The following DNHD1 variants were observed in gnomAD, a reference collection of about 807,000 sequenced individuals.
DNHD1 encodes the protein dynein heavy chain domain-containing protein 1.
DNHD1 carries 383 observed loss-of-function variants against 458.1 expected under a neutral mutation model. The observed-to-expected ratio is 0.84, with a 90% CI of 0.77 to 0.91. The LOEUF is 0.91. Among genes scored for constraint, DNHD1 ranks in the 40% least tolerant of loss-of-function variants. The probability of loss-of-function intolerance (pLI) is 0.00; values close to 1 mark genes in which losing one functional copy is unlikely to be tolerated. For synonymous variants in DNHD1, 2,203 were observed against 2,376.9 expected (o/e 0.93, Z 2.13); for missense variants, 5,336 against 5,866.1 (o/e 0.91, Z 2.95).
intron 10 of DNHD1, among the ~76,000 whole-genome samples, chr11:6,525,177 CAA>C (rs1458271691): frequency 1.1e-4 from 16 of 152,264 alleles, no homozygotes; most frequent in African/African-American, 3.6e-4. Context: ...GCAAGGTTAA[CAA>C]GAGAGCTCTG....
At chr11:6,551,747 C>T (rs1041662497) in intron 24 of DNHD1, among the ~76,000 whole-genome samples, 2 of 152,150 alleles carry the variant, frequency 1.3e-5, no homozygotes, top group Non-Finnish European at 2.9e-5. Flanking sequence ...TGGAGACCAT[C>T]CTGGCCAACA....
chr11:6,504,507 T>C (rs1852192322), intron 4 of DNHD1, among the ~76,000 whole-genome samples: 1 of 152,258 alleles, frequency 6.6e-6, no homozygotes, highest in African/African-American at 2.4e-5. Flanking sequence ...TGGAGTGTAA[T>C]GGCATGATCT....
At position 6,520,078 on chromosome 11, in the gene DNHD1, G is replaced by A. The variant is rs749467852; in HGVS notation, c.1761G>A (p.Gln587=). The A allele has an allele frequency of 5.0e-6, 8 of 1,614,092 alleles. No homozygotes were observed. In the East Asian group the frequency reaches 1.1e-4, roughly 22 times the overall value. Residue 587 remains glutamine (Q), a synonymous_variant, in exon 9 of 43, where the codon CAG becomes CAA. Coordinates refer to ENST00000254579, the MANE Select transcript of DNHD1 (RefSeq NM_144666.3). ...TCCAGACTCTAACTGGAGGCCTACA[G>A]TCTGTCAAGACCTCTGCCTTGCAGG... ...NMIQTLTGGL[Q]SVKTSALQVV... is the part of the protein sequence containing the mutation.
In DNHD1 at chr11:6,546,445, G is replaced by C; in HGVS notation, c.5506G>C (p.Ala1836Pro). ...GGCATTGCCTGATCTGCGGCAAGTG[G>C]CAGAGCTGACTCTGCTGGGTGCAGG... ...ALALPDLRQV[A>P]ELTLLGAGMR... Residue 1836 changes from alanine to proline, a missense_variant, in exon 21 of 43, where the codon GCA (alanine) becomes CCA (proline). Transcript: ENST00000254579. The C allele has an allele frequency of 1.9e-6, 3 of 1,551,276 alleles. No homozygotes were observed. The highest frequency in any genetic ancestry group is 1.2e-5 in the South Asian group (1 of 84,062).
rs773745280 is a variant in DNHD1 at position 6,509,164 on chromosome 11, GGAA to G, written c.1134_1136del (p.Lys378del). On this transcript the variant is annotated inframe_deletion, in exon 6 of 43. Transcript: ENST00000254579. ...TATCACTGACCTCTAATTTCTAGTT[GGAA>G]GAAGAATGTGAGATTACAGGGGCTG... is the stretch of plus-strand genomic sequence containing the variant. 24 of 1,614,158 alleles carry G rather than the reference GGAA, an allele frequency of 1.5e-5. No homozygotes were observed. Among genetic ancestry groups the G allele is most frequent in the Non-Finnish European group, 2.0e-5 (24 of 1,180,014 alleles).
At chr11:6,500,854 ATATAGT>A (rs1227727899) in intron 3 of DNHD1, among the ~76,000 whole-genome samples, 33 of 152,326 alleles carry the variant, frequency 2.2e-4, no homozygotes, top group East Asian at 7.7e-4. Flanking sequence ...AGTTAGGGAG[ATATAGT>A]TAAGTTGATA....
rs1443589448 is a variant in DNHD1 at position 6,557,355 on chromosome 11, A to G, written c.8060A>G (p.Gln2687Arg). The change falls in exon 25 of 43, where the codon CAG becomes CGG. Residue 2687 changes from glutamine (Q) to arginine (R), a missense_variant. Coordinates refer to ENST00000254579, the MANE Select transcript of DNHD1 (RefSeq NM_144666.3). ...GTCTTCTGCTGTGGGCCAGGGCCCC[A>G]GCACCTGGGCAAGGACCATCAGGAG... ...QSVFCCGPGPQHLGKDHQESE... is the reference protein window; with the variant it reads ...QSVFCCGPGPRHLGKDHQESE... 1.9e-6 allele frequency: 3 copies of G among 1,551,490 alleles called. No individual in the cohort carries two copies. The highest frequency in any genetic ancestry group is 1.7e-6 in the Non-Finnish European group (2 of 1,147,048).
Position 6,567,509 on chromosome 11 carries a change from T to C in DNHD1, c.12000T>C (p.Val4000=). 6.2e-7 allele frequency: 1 copy of C among 1,613,710 alleles called. No homozygotes were observed. The highest frequency in any genetic ancestry group is 8.5e-7 in the Non-Finnish European group (1 of 1,179,762). ...TGTTAGAGCTGCTGCCCCCATTTGT[T>C]GGCCTGTGTGCCTCCCTGGCAGGCC... is the stretch of plus-strand genomic sequence containing the variant. ...CEMLELLPPF[V]GLCASLAGHS... The change falls in exon 36 of 43, where the codon GTT becomes GTC. Residue 4000 remains valine (V), a synonymous_variant. Transcript: ENST00000254579.
rs1443644803 is a variant in DNHD1, at chr11:6,548,854, C to T, written c.7308C>T (p.Ala2436=). The change falls in exon 24 of 43, where the codon GCC becomes GCT. Residue 2436 remains alanine (A), a synonymous_variant. Transcript: ENST00000254579. The surrounding 1 kb of genome is among the most constrained non-coding windows in gnomAD (Gnocchi z 4.4). ...GAGGAATCCAGGGCCAAACACAAGC[C>T]AGCCCACAGCCTGGGCATCACCAGG... The part of the protein sequence containing the change: ...LSRGIQGQTQ[A]SPQPGHHQDS... The T allele has an allele frequency of 1.4e-4, 217 of 1,551,608 alleles. No homozygotes were observed. The highest frequency in any genetic ancestry group is 1.8e-4 in the Non-Finnish European group (208 of 1,147,002).
In DNHD1 at chr11:6,540,182, G is replaced by C. The variant is rs987956119; in HGVS notation, c.3628+99G>C. 5 of 1,088,586 alleles carry C rather than the reference G, an allele frequency of 4.6e-6. No homozygotes were observed. The African/African-American group carries it at 6.3e-5, about 14-fold the overall frequency. The allele number at this position is 1,088,586 out of a possible 1,614,324, so 67.4% of individuals were successfully genotyped here. A position where few individuals can be genotyped will look rare whatever the true frequency, so the allele number is the denominator to read the frequency against. ...CCTGCCAGATCTGATTCTCTAGCCA[G>C]GGCCCCATCCTTACTAGACAGCCTA... On this transcript the variant is annotated intron_variant, in intron 18 of 42. Coordinates refer to ENST00000254579, the MANE Select transcript of DNHD1 (RefSeq NM_144666.3).
chr11:6,539,482 T>A (rs769093009), intron 17 of DNHD1, among the ~76,000 whole-genome samples, 169 bp downstream of exon 17: 17 of 152,168 alleles, frequency 1.1e-4, no homozygotes, highest in African/African-American at 1.9e-4. Context: ...GGATCTCTTG[T>A]GTGATTCCAG....
In DNHD1 at chr11:6,498,772, G is replaced by C; in HGVS notation, c.557G>C (p.Arg186Pro). The C allele has an allele frequency of 6.2e-7, 1 of 1,614,188 alleles. No homozygotes were observed. The highest frequency in any genetic ancestry group is 8.5e-7 in the Non-Finnish European group (1 of 1,180,020). The change falls in exon 3 of 43, where the codon CGA becomes CCA. Residue 186 changes from arginine (R) to proline (P), a missense_variant. Transcript: ENST00000254579. ...QVKEELATWL[R>P]PLTLPELQRC... ...AAGGAGGAGCTGGCCACCTGGCTGC[G>C]ACCATTGACACTGCCTGAGCTACAG...
At position 6,570,739 on chromosome 11, in the gene DNHD1, G is replaced by A. The variant is rs1398613894; in HGVS notation, c.13227G>A (p.Gln4409=). ...CCCAAGCCTGGCTGTTGCGACGCCAGAGTCGCGCTCTCTTGAGTGCGCTGC... is the reference window on the plus strand; with the variant it reads ...CCCAAGCCTGGCTGTTGCGACGCCAAAGTCGCGCTCTCTTGAGTGCGCTGC... The part of the protein sequence containing the change: ...EGPQAWLLRR[Q]SRALLSALQR... The change falls in exon 42 of 43, where the codon CAG becomes CAA. Residue 4409 remains glutamine, a synonymous_variant. Coordinates refer to ENST00000254579, the MANE Select transcript of DNHD1 (RefSeq NM_144666.3). The A allele has an allele frequency of 1.9e-6, 3 of 1,611,466 alleles. No individual in the cohort carries two copies. Among genetic ancestry groups the A allele is most frequent in the Admixed American group, 1.7e-5 (1 of 59,624 alleles).
chr11:6,519,971 A>G lies in DNHD1; in HGVS notation c.1654A>G (p.Arg552Gly). The G allele has an allele frequency of 6.2e-7, 1 of 1,614,132 alleles. No individual in the cohort carries two copies. The highest frequency in any genetic ancestry group is 8.5e-7 in the Non-Finnish European group (1 of 1,180,014). ...SFVANILQAP[R>G]QKPFLSSQLV... ...CTGACCCTTTTTTTTACAGGCCCCA[A>G]GGCAGAAACCCTTTCTCTCATCACA... Residue 552 changes from arginine to glycine, a missense_variant, in exon 9 of 43, where the codon AGG becomes GGG. This residue lies in a region of DNHD1 where 3,932 missense variants were observed against 4,365.6 expected (regional missense o/e 0.90). Coordinates refer to ENST00000254579, the MANE Select transcript of DNHD1 (RefSeq NM_144666.3).
chr11:6,502,705 C>G (rs757614128), intron 3 of DNHD1, 48 bp from the exon 4 acceptor site: 1 of 1,523,030 alleles, frequency 6.6e-7, no homozygotes. Context: ...CTCTAAGGTA[C>G]TTGACCTTTT....
rs774442167 is a variant in DNHD1 at position 6,533,637 on chromosome 11, C to G, written c.2506-44C>G. The G allele has an allele frequency of 9.9e-6, 15 of 1,512,338 alleles. No homozygotes were observed. The South Asian group carries it at 2.0e-4, about 20-fold the overall frequency. 93.7% of individuals were successfully genotyped at this position (1,512,338 alleles called of 1,614,324 possible). A position where few individuals can be genotyped will look rare whatever the true frequency, so the allele number is the denominator to read the frequency against. ...CCTTGGGGATGGGACCAAAGAGGTA[C>G]ATGGGGTTGTGGGGCTGCCGGTCTC... On this transcript the variant is annotated intron_variant, in intron 13 of 42. Coordinates refer to ENST00000254579, the MANE Select transcript of DNHD1 (RefSeq NM_144666.3).
chr11:6,544,497 C>A, intron 19 of DNHD1, 77 bp from the exon 20 acceptor site: 1 of 1,253,196 alleles, frequency 8.0e-7, no homozygotes, highest in Non-Finnish European at 1.1e-6. Flanking sequence ...CCTGAGAGGT[C>A]AGGAGCAGGG....
At chr11:6,566,155 C>A in intron 33 of DNHD1, 86 bp from the exon 34 acceptor site, 1 of 1,509,228 alleles carries the variant, frequency 6.6e-7, no homozygotes, top group Non-Finnish European at 8.9e-7. Flanking sequence ...CACAGGGAAG[C>A]TGGTCAGAGC....
At chr11:6,532,648 G>A (rs1034491720) in intron 12 of DNHD1, among the ~76,000 whole-genome samples, 1 of 152,092 alleles carries the variant, frequency 6.6e-6, no homozygotes. Context: ...CTCTGAAGGG[G>A]CCTTGCCCAG....
Sources: gnomAD v4.1 joint callset for allele counts (sites outside exome capture counted in the v4.1 genomes callset) on GRCh38, gnomAD v4.1.1 for gene constraint, gnomAD v4.1.1 regional missense constraint, Gnocchi (gnomAD v3.1) non-coding constraint, MANE v1.5 for transcripts, NCBI Gene and HGNC (gene_info 2026-07-23, HGNC 2026-07-21) for gene names.